The following EPB41L4A variants were observed in gnomAD, a reference collection of about 807,000 sequenced individuals.
EPB41L4A encodes the protein band 4.1-like protein 4A.
A neutral mutation model predicts 108.6 loss-of-function variants in EPB41L4A; 100 were observed. That is an observed-to-expected ratio of 0.92 (90% CI 0.78 to 1.09). The LOEUF (loss-of-function observed/expected upper bound fraction) is 1.09. EPB41L4A is among the 50% of genes least tolerant of loss of function. The pLI, the probability that EPB41L4A is intolerant of heterozygous loss-of-function variation, is 0.00. For missense variants in EPB41L4A, 1,030 were observed against 842.7 expected (o/e 1.22, Z -2.75); for synonymous variants, 319 against 289.0 (o/e 1.10, Z -1.05).
Position 112,280,346 on chromosome 5 carries a change from ATTAAAGAAATTAG to A in EPB41L4A, c.205-36_205-24del, listed in dbSNP as rs756787372. The A allele has an allele frequency of 5.4e-5, 87 of 1,606,570 alleles. 1 individual carries two copies. Among genetic ancestry groups the A allele is most frequent in the Non-Finnish European group, 6.6e-5 (78 of 1,173,564 alleles). On this transcript the variant is annotated intron_variant, in intron 2 of 22. Transcript: ENST00000261486. ...ATACTGTGTGAGGAAGAAAAGGACA[ATTAAAGAAATTAG>A]TTGCTTTTCATTAGCTTTTACTTCA...
intron 7 of EPB41L4A, among the ~76,000 whole-genome samples, chr5:112,260,285 A>T (rs559314936): frequency 6.6e-6 from 1 of 152,240 alleles, no homozygotes; most frequent in African/African-American, 2.4e-5. Context: ...GTTCAATCCT[A>T]GCAACATATT....
At chr5:112,147,083 A>ATT (rs2112791071) in intron 12 of EPB41L4A, among the ~76,000 whole-genome samples, 1 of 152,224 alleles carries the variant, frequency 6.6e-6, no homozygotes, top group Admixed American at 6.5e-5. Flanking sequence ...TGCTGCTCTA[A>ATT]ATTAGTGTGG....
chr5:112,405,021 G>A (rs373514977), intron 1 of EPB41L4A, among the ~76,000 whole-genome samples: 16 of 152,132 alleles, frequency 1.1e-4, no homozygotes, highest in African/African-American at 3.6e-4. Context: ...TGGCTTCAAG[G>A]GAGCCCTTGT....
At chr5:112,259,060 T>C (rs953893898) in intron 9 of EPB41L4A, among the ~76,000 whole-genome samples, 169 bp downstream of exon 9, 8 of 152,212 alleles carry the variant, frequency 5.3e-5, no homozygotes, top group Non-Finnish European at 4.4e-5. Flanking sequence ...CTCTCACTCA[T>C]TTCTATTCAC....
At chr5:112,223,226 C>A (rs1748196812) in intron 12 of EPB41L4A, among the ~76,000 whole-genome samples, 1 of 152,132 alleles carries the variant, frequency 6.6e-6, no homozygotes, top group African/African-American at 2.4e-5. Flanking sequence ...AGGATTGAGC[C>A]ACCGTGCCCG....
chr5:112,240,489 G>C (rs12189034), intron 10 of EPB41L4A, among the ~76,000 whole-genome samples: 33,711 of 152,004 alleles, frequency 0.22, 4,394 homozygotes, highest in Non-Finnish European at 0.3. Context: ...CTTTCTTGCA[G>C]TATCAAAGAT....
At chr5:112,290,915 A>C (rs568723811) in intron 2 of EPB41L4A, among the ~76,000 whole-genome samples, 3 of 152,270 alleles carry the variant, frequency 2.0e-5, no homozygotes, top group Admixed American at 6.5e-5. Flanking sequence ...TCACATGGTT[A>C]GCACAGCTGC....
chr5:112,146,112 G>A (rs79791236), intron 12 of EPB41L4A: 15,692 of 373,672 alleles, frequency 0.042, 408 homozygotes, highest in Middle Eastern at 0.06. Flanking sequence ...GGGTCTTACA[G>A]AATCGAGACC....
At chr5:112,403,829 C>T (rs1761930659) in intron 1 of EPB41L4A, among the ~76,000 whole-genome samples, 1 of 152,116 alleles carries the variant, frequency 6.6e-6, no homozygotes, top group Admixed American at 6.5e-5. Flanking sequence ...TTAAATGTAC[C>T]TCTTTATGCT....
intron 12 of EPB41L4A, among the ~76,000 whole-genome samples, chr5:112,155,261 CAA>C: frequency 6.6e-6 from 1 of 151,988 alleles, no homozygotes; most frequent in Middle Eastern, 3.4e-3. Flanking sequence ...TTTAGGACCA[CAA>C]CATCACAAAA....
intron 1 of EPB41L4A, among the ~76,000 whole-genome samples, chr5:112,329,114 T>C (rs556262662): frequency 6.6e-6 from 1 of 152,290 alleles, no homozygotes; most frequent in East Asian, 1.9e-4. Flanking sequence ...ATGCAGCTGG[T>C]CCAAATTGAG....
chr5:112,205,037 T>C (rs1041038411), intron 14 of EPB41L4A, among the ~76,000 whole-genome samples: 1 of 152,222 alleles, frequency 6.6e-6, no homozygotes, highest in Non-Finnish European at 1.5e-5. Flanking sequence ...TCCATATTTT[T>C]AGGAATAAAG....
At chr5:112,337,037 T>C (rs1247682198) in intron 1 of EPB41L4A, among the ~76,000 whole-genome samples, 1 of 152,154 alleles carries the variant, frequency 6.6e-6, no homozygotes, top group Non-Finnish European at 1.5e-5. Context: ...ATAGAAACAA[T>C]ATGCATTGTG....
chr5:112,275,339 CTTT>C lies in EPB41L4A; in HGVS notation c.319_321del (p.Lys107del), dbSNP rs1270192098. The C allele has an allele frequency of 6.4e-7, 1 of 1,552,948 alleles. No homozygotes were observed. The highest frequency in any genetic ancestry group is 1.9e-5 in the Admixed American group (1 of 54,026). On this transcript the variant is annotated inframe_deletion, in exon 4 of 23. Coordinates refer to ENST00000261486, the MANE Select transcript of EPB41L4A (RefSeq NM_022140.5). ...TCAATACTATACCTGGTTATTTCTT[CTTT>C]AAGTTTACATGGATCTTCAGCATAG...
At chr5:112,385,811 T>C (rs756815673) in intron 1 of EPB41L4A, among the ~76,000 whole-genome samples, 2 of 152,140 alleles carry the variant, frequency 1.3e-5, no homozygotes, top group African/African-American at 4.8e-5. Context: ...GCACTAGAGA[T>C]AATAAGGTTT....
intron 13 of EPB41L4A, among the ~76,000 whole-genome samples, chr5:112,144,108 A>G (rs938766129): frequency 6.6e-6 from 1 of 152,142 alleles, no homozygotes; most frequent in African/African-American, 2.4e-5. Context: ...ATCATTCCTT[A>G]AAATTATTTT....
downstream of EPB41L4A, chr5:112,160,406 G>C (rs988582776): frequency 1.3e-5 from 2 of 152,224 alleles, no homozygotes; most frequent in African/African-American, 2.4e-5. Context: ...CAGAAACCTT[G>C]CCTGGCTCAC....
chr5:112,202,729 A>T (rs561496606), intron 15 of EPB41L4A, among the ~76,000 whole-genome samples: 1 of 152,176 alleles, frequency 6.6e-6, no homozygotes, highest in African/African-American at 2.4e-5. Flanking sequence ...GGTTTCAGAA[A>T]GCTGGGGGCA....
intron 1 of EPB41L4A, among the ~76,000 whole-genome samples, chr5:112,338,185 C>T (rs1198411704): frequency 6.6e-6 from 1 of 152,172 alleles, no homozygotes; most frequent in Non-Finnish European, 1.5e-5. Context: ...ACATTTGAAG[C>T]TGACTTTACT....
Sources: allele counts gnomAD v4.1 joint callset (sites outside exome capture counted in the v4.1 genomes callset), GRCh38; gene constraint gnomAD v4.1.1; transcripts MANE v1.5; gene names NCBI Gene and HGNC (gene_info 2026-07-23, HGNC 2026-07-21).